The following NRG3 variants were observed in gnomAD, a reference collection of about 807,000 sequenced individuals.
NRG3 encodes the protein neuregulin 3.
NRG3 carries 31 observed loss-of-function variants against 66.9 expected under a neutral mutation model. The observed-to-expected ratio is 0.46, with a 90% confidence interval of 0.35 to 0.63. The LOEUF (loss-of-function observed/expected upper bound fraction) is 0.63. NRG3 is among the 20% of genes least tolerant of loss of function. The pLI is 0.00. For missense variants in NRG3, 910 were observed against 878.9 expected (o/e 1.04, Z -0.45); for synonymous variants, 393 against 359.4 (o/e 1.09, Z -1.06).
At chr10:82,096,608 A>G (rs1214985630) in intron 1 of NRG3, among the ~76,000 whole-genome samples, 1 of 152,234 alleles carries the variant, frequency 6.6e-6, no homozygotes, top group Non-Finnish European at 1.5e-5. Context: ...AACTTGAACA[A>G]AAAATATTGA....
chr10:82,582,898 G>A (rs2046445208), intron 2 of NRG3, among the ~76,000 whole-genome samples: 2 of 151,950 alleles, frequency 1.3e-5, no homozygotes, highest in South Asian at 2.1e-4. Flanking sequence ...TTTCAGGGTG[G>A]GAATTCAAAT....
At chr10:82,262,844 G>T (rs916558487) in intron 1 of NRG3, among the ~76,000 whole-genome samples, 7 of 152,126 alleles carry the variant, frequency 4.6e-5, no homozygotes, top group Non-Finnish European at 7.4e-5. Context: ...GTAAATAGAG[G>T]CTCAGAGAGT....
At chr10:82,475,381 A>T (rs1841678640) in intron 2 of NRG3, among the ~76,000 whole-genome samples, 1 of 152,126 alleles carries the variant, frequency 6.6e-6, no homozygotes, top group African/African-American at 2.4e-5. Flanking sequence ...CTAAAAACAT[A>T]CAACCTACTA....
chr10:82,916,232 G>A (rs924737821), intron 4 of NRG3, among the ~76,000 whole-genome samples: 1 of 152,136 alleles, frequency 6.6e-6, no homozygotes, highest in Non-Finnish European at 1.5e-5. Flanking sequence ...TAGGAGGATT[G>A]CTTGAGCCCA....
rs541415136 is a variant in NRG3, at chr10:81,875,955, G to A, written c.615G>A (p.Thr205=). Reference sequence around the variant, plus strand: ...CGGCCCCGTTCTTCAGTAGCAGCACGCTGGGCTCCCGACCCCCGGTGCCAG... The same window carrying A: ...CGGCCCCGTTCTTCAGTAGCAGCACACTGGGCTCCCGACCCCCGGTGCCAG... ...STTAPFFSSS[T]LGSRPPVPGT... is the part of the protein sequence containing the mutation. Residue 205 remains threonine (T), a synonymous_variant, in exon 1 of 9, where the codon ACG becomes ACA. Transcript: ENST00000372141. The surrounding 1 kb of genome is among the most constrained non-coding windows in gnomAD (Gnocchi z 5.3). 23 of 1,613,788 alleles carry A rather than the reference G, an allele frequency of 1.4e-5. No individual in the cohort carries two copies. In the East Asian group the frequency reaches 4.2e-4, roughly 30 times the overall value.
chr10:82,781,888 A>C (rs1479738011), intron 3 of NRG3, among the ~76,000 whole-genome samples: 4 of 142,262 alleles, frequency 2.8e-5, no homozygotes, highest in African/African-American at 9.9e-5. Context: ...CATCAGGACC[A>C]AAAAAAAAAT....
At chr10:82,484,668 G>T (rs184624344) in intron 2 of NRG3, among the ~76,000 whole-genome samples, 1 of 152,248 alleles carries the variant, frequency 6.6e-6, no homozygotes, top group Admixed American at 6.5e-5. Context: ...AGCATGCAGG[G>T]CTACATTTGT....
At chr10:82,942,130 C>A (rs917590216) in intron 4 of NRG3, among the ~76,000 whole-genome samples, 1 of 152,032 alleles carries the variant, frequency 6.6e-6, no homozygotes, top group Non-Finnish European at 1.5e-5. Context: ...GAAATGTTCT[C>A]AAGAAGCACT....
chr10:82,648,157 A>C (rs1461441988), intron 2 of NRG3, among the ~76,000 whole-genome samples: 1 of 152,178 alleles, frequency 6.6e-6, no homozygotes, highest in Non-Finnish European at 1.5e-5. Flanking sequence ...TTAAGTCTTT[A>C]ATCCATCTTG....
In NRG3 at chr10:82,370,261, C is replaced by G. The variant is rs117297923; in HGVS notation, c.953+11393C>G. Among the ~76,000 whole-genome samples, 28 of 137,920 alleles carry G rather than the reference C, an allele frequency of 2.0e-4. 2 individuals are homozygous for G. Among genetic ancestry groups the G allele is most frequent in the Non-Finnish European group, 3.4e-4 (23 of 67,416 alleles). The allele number at this position is 137,920 out of a possible 152,430, so 90.5% of individuals were successfully genotyped here. On this transcript the variant is annotated intron_variant, in intron 2 of 8. Transcript: ENST00000372141. Reference sequence around the variant, plus strand: ...GTTGAGTGGTGGAGGTGGCTCTCAGCGAGATGATGAGGAGCTGAAAGTGGG... The same window carrying G: ...GTTGAGTGGTGGAGGTGGCTCTCAGGGAGATGATGAGGAGCTGAAAGTGGG...
intron 1 of NRG3, among the ~76,000 whole-genome samples, chr10:82,189,584 G>A (rs993051124): frequency 6.6e-6 from 1 of 152,092 alleles, no homozygotes; most frequent in Non-Finnish European, 1.5e-5. Context: ...GAGGTTAGGA[G>A]TTCGAGACCA....
At chr10:82,929,211 C>G (rs1847316563) in intron 4 of NRG3, among the ~76,000 whole-genome samples, 1 of 152,096 alleles carries the variant, frequency 6.6e-6, no homozygotes, top group Non-Finnish European at 1.5e-5. Context: ...GTAAGATGCT[C>G]ACATGCTAAT....
intron 3 of NRG3, among the ~76,000 whole-genome samples, chr10:82,793,866 A>T (rs1394315067): frequency 6.6e-6 from 1 of 152,192 alleles, no homozygotes; most frequent in Non-Finnish European, 1.5e-5. Flanking sequence ...GCCTAACATT[A>T]ATACCACAAT....
At chr10:82,799,785 G>A (rs2060958902) in intron 3 of NRG3, 1 of 152,160 alleles carries the variant, frequency 6.6e-6, no homozygotes, top group African/African-American at 2.4e-5. Context: ...GAGCAAAGAG[G>A]ATAGTGAAAA....
chr10:82,283,791 C>G (rs1021332256), intron 1 of NRG3, among the ~76,000 whole-genome samples: 2 of 152,000 alleles, frequency 1.3e-5, no homozygotes, highest in African/African-American at 4.8e-5. Context: ...ATCTCGAGTC[C>G]CAATTCACAA....
chr10:82,781,242 G>A (rs2060108361), intron 3 of NRG3, among the ~76,000 whole-genome samples: 1 of 152,166 alleles, frequency 6.6e-6, no homozygotes. Flanking sequence ...AGAGGAACAA[G>A]GAATGATGAG....
At chr10:82,970,233 C>T (rs1283615376) in intron 6 of NRG3, among the ~76,000 whole-genome samples, 1 of 152,204 alleles carries the variant, frequency 6.6e-6, no homozygotes, top group African/African-American at 2.4e-5. Flanking sequence ...TCAATTTGCT[C>T]TTCAAGTTAG....
intron 1 of NRG3, among the ~76,000 whole-genome samples, chr10:82,331,453 C>A (rs945276711): frequency 6.6e-6 from 1 of 152,162 alleles, no homozygotes; most frequent in East Asian, 1.9e-4. Flanking sequence ...CTAAACTGTG[C>A]TTCTGTGGAA....
intron 4 of NRG3, among the ~76,000 whole-genome samples, chr10:82,876,679 A>G (rs1841846482): frequency 6.6e-6 from 1 of 152,204 alleles, no homozygotes; most frequent in Non-Finnish European, 1.5e-5. Flanking sequence ...ATGTGCTAAA[A>G]TAAAGGGAAA....
Sources: gnomAD v4.1 joint callset for allele counts (sites outside exome capture counted in the v4.1 genomes callset) on GRCh38, gnomAD v4.1.1 for gene constraint, Gnocchi (gnomAD v3.1) non-coding constraint, MANE v1.5 for transcripts, NCBI Gene and HGNC (gene_info 2026-07-23, HGNC 2026-07-21) for gene names.